The following ACSM2B variants were observed in gnomAD, a reference collection of about 807,000 sequenced individuals.
ACSM2B encodes acyl-coenzyme A synthetase ACSM2B, mitochondrial.
In ACSM2B, 58 loss-of-function variants were observed where a neutral mutation model predicts 78.6. The observed-to-expected ratio is 0.74, with a 90% CI of 0.60 to 0.92. The LOEUF (loss-of-function observed/expected upper bound fraction) is 0.92, where lower values mean the gene tolerates loss of function less well. Ranked by LOEUF, ACSM2B falls within the 40% of genes least tolerant of loss-of-function variation. ACSM2B has a pLI of 0.00. For missense variants in ACSM2B, 688 were observed against 711.2 expected (o/e 0.97, Z 0.37); for synonymous variants, 257 against 256.8 (o/e 1.00, Z -0.01).
intron 8 of ACSM2B, chr16:20,547,162 G>T: frequency 2.0e-6 from 2 of 1,015,436 alleles, no homozygotes; most frequent in Admixed American, 9.5e-5. Context: ...GAAAGGGCAA[G>T]TTGATTGACC....
intron 6 of ACSM2B, among the ~76,000 whole-genome samples, chr16:20,550,713 G>C (rs1418458011): frequency 1.3e-5 from 2 of 152,068 alleles, no homozygotes; most frequent in Non-Finnish European, 2.9e-5. Flanking sequence ...TTAGAGATCT[G>C]GGGGCACAGC....
In ACSM2B at chr16:20,559,243, G is replaced by C; in HGVS notation, c.382C>G (p.Arg128Gly). 6.2e-7 allele frequency: 1 copy of C among 1,610,830 alleles called. No homozygotes were observed. Among genetic ancestry groups the C allele is most frequent in the Admixed American group, 1.7e-5 (1 of 59,840 alleles). ...CAGGTAGTCAGTTACCAACCTGCTC[G>C]AATGCAGCCCAGGATCACCAGCCAC... is the stretch of plus-strand genomic sequence containing the variant. ...EWWLVILGCI[R>G]AGLIFMPGTI... Residue 128 changes from arginine (R) to glycine (G), a missense_variant, in exon 3 of 14, where the codon CGA becomes GGA. Arg to Gly is a moderately radical substitution (Grantham distance 125). Transcript: ENST00000329697.
intron 13 of ACSM2B, among the ~76,000 whole-genome samples, chr16:20,538,580 G>T (rs115898145): frequency 0.014 from 2,083 of 152,238 alleles, 45 homozygotes; most frequent in African/African-American, 0.047. Context: ...TTGGTGAAAG[G>T]AGGGGGAGGG....
rs2015146689 is a variant in ACSM2B, at chr16:20,546,491, A to G, written c.1099-17T>C. The G allele has an allele frequency of 1.3e-6, 2 of 1,586,614 alleles. No individual in the cohort carries two copies. The highest frequency in any genetic ancestry group is 2.7e-5 in the African/African-American group (2 of 73,590). ...AGTTAATCCCTGTGGAAAGAAGCAG[A>G]CAGATCAGCAAACCTCAGGAGGAGG... On this transcript the variant is annotated splice_polypyrimidine_tract_variant and intron_variant, in intron 8 of 13. Transcript: ENST00000329697.
intron 1 of ACSM2B, among the ~76,000 whole-genome samples, chr16:20,572,740 T>C (rs200443441): frequency 4.3e-3 from 572 of 132,486 alleles, no homozygotes; most frequent in East Asian, 0.02. Flanking sequence ...TTTAACACAA[T>C]CCCAAACTTC....
At chr16:20,538,866 G>C (rs2014914108) in intron 13 of ACSM2B, among the ~76,000 whole-genome samples, 1 of 152,072 alleles carries the variant, frequency 6.6e-6, no homozygotes. Context: ...ACTCTCAGAG[G>C]CTGCAAGTCC....
At chr16:20,555,199 C>A (rs965122620) in intron 4 of ACSM2B, 70 bp downstream of exon 4, 3 of 1,605,606 alleles carry the variant, frequency 1.9e-6, no homozygotes, top group East Asian at 2.2e-5. Flanking sequence ...CAATAAAGCA[C>A]CTGCACCTAA....
At chr16:20,569,187 A>T (rs1170918405) in intron 1 of ACSM2B, among the ~76,000 whole-genome samples, 1 of 152,002 alleles carries the variant, frequency 6.6e-6, no homozygotes, top group Non-Finnish European at 1.5e-5. Flanking sequence ...TAGAATTTTT[A>T]TAGTTTCAGG....
At chr16:20,554,953 C>A (rs2015422931) in intron 4 of ACSM2B, among the ~76,000 whole-genome samples, 1 of 152,210 alleles carries the variant, frequency 6.6e-6, no homozygotes, top group South Asian at 2.1e-4. Flanking sequence ...AGTGTGGAGG[C>A]AATAACACCC....
chr16:20,556,017 A>G (rs976450201), intron 3 of ACSM2B, among the ~76,000 whole-genome samples: 2 of 152,072 alleles, frequency 1.3e-5, no homozygotes, highest in African/African-American at 2.4e-5. Flanking sequence ...AAGCGGTATT[A>G]TAATTTTTGA....
At chr16:20,549,778 G>A (rs1366623536) in intron 6 of ACSM2B, 5 of 450,462 alleles carry the variant, frequency 1.1e-5, no homozygotes, top group Non-Finnish European at 2.2e-5. Context: ...AAATACATTG[G>A]TTTGGTCCAG....
chr16:20,542,801 G>A (rs2015032729), intron 12 of ACSM2B, 113 bp downstream of exon 12: 1 of 1,372,008 alleles, frequency 7.3e-7, no homozygotes, highest in South Asian at 1.4e-5. Flanking sequence ...AAGTGGCAGG[G>A]CCAAGATTGG....
At chr16:20,543,481 A>G (rs2015056047) in intron 10 of ACSM2B, among the ~76,000 whole-genome samples, 1 of 151,918 alleles carries the variant, frequency 6.6e-6, no homozygotes, top group Non-Finnish European at 1.5e-5. Context: ...TGTCTCAGCT[A>G]CTCCTCTAGG....
Position 20,543,038 on chromosome 16 carries a change from G to A in ACSM2B, c.1410-25C>T, listed in dbSNP as rs767358937. 3 of 1,613,454 alleles carry A rather than the reference G, an allele frequency of 1.9e-6. No individual in the cohort carries two copies. In the South Asian group the frequency reaches 3.3e-5, roughly 18 times the overall value. On this transcript the variant is annotated intron_variant, in intron 11 of 13. Coordinates refer to ENST00000329697, the MANE Select transcript of ACSM2B (RefSeq NM_001105069.2). ...CCTGCAGAAGAACCTGTCCTTCAGAGAACACTGGACACCGAACCTCTAGGC... is the reference window on the plus strand; with the variant it reads ...CCTGCAGAAGAACCTGTCCTTCAGAAAACACTGGACACCGAACCTCTAGGC...
intron 1 of ACSM2B, among the ~76,000 whole-genome samples, chr16:20,565,312 G>A (rs530883904): frequency 6.6e-6 from 1 of 152,244 alleles, no homozygotes; most frequent in Non-Finnish European, 1.5e-5. Flanking sequence ...TGGTCAATGA[G>A]ATGTGAGTGT....
intron 4 of ACSM2B, chr16:20,554,275 C>T (rs778959734): frequency 3.4e-4 from 147 of 426,580 alleles, no homozygotes; most frequent in Non-Finnish European, 2.9e-4. Context: ...TCAATAAATG[C>T]TAATCTAATT....
At chr16:20,548,870 C>G (rs1227712594) in intron 6 of ACSM2B, among the ~76,000 whole-genome samples, 1 of 152,120 alleles carries the variant, frequency 6.6e-6, no homozygotes, top group Non-Finnish European at 1.5e-5. Context: ...CTGTAGCCAG[C>G]TTTATAATAG....
intron 1 of ACSM2B, among the ~76,000 whole-genome samples, chr16:20,568,202 A>T (rs1225681934): frequency 6.9e-6 from 1 of 144,244 alleles, no homozygotes; most frequent in Non-Finnish European, 1.5e-5. Context: ...TATATAAAAT[A>T]TAAATATATG....
chr16:20,546,736 AG>A, intron 8 of ACSM2B: 1 of 447,044 alleles, frequency 2.2e-6, no homozygotes, highest in Non-Finnish European at 3.6e-6. Flanking sequence ...AATCTCTTTT[AG>A]GGGGAGTCAC....
Sources: allele counts gnomAD v4.1 joint callset (sites outside exome capture counted in the v4.1 genomes callset), GRCh38; gene constraint gnomAD v4.1.1; transcripts MANE v1.5; gene names NCBI Gene and HGNC (gene_info 2026-07-23, HGNC 2026-07-21).